Variants in ITGAM observed in about 807,000 individuals in gnomAD.
ITGAM encodes the protein integrin subunit alpha M.
In ITGAM, 79 loss-of-function variants were observed where a neutral mutation model predicts 137.5. That is an observed-to-expected ratio of 0.57 (90% CI 0.48 to 0.69). The LOEUF (loss-of-function observed/expected upper bound fraction) is 0.69, where lower values mean the gene tolerates loss of function less well. ITGAM is among the 30% of genes least tolerant of loss of function. ITGAM has a pLI of 0.00. For synonymous variants in ITGAM, 583 were observed against 592.3 expected (o/e 0.98, Z 0.23); for missense variants, 1,343 against 1,483.5 (o/e 0.91, Z 1.56).
intron 7 of ITGAM, among the ~76,000 whole-genome samples, chr16:31,272,833 C>A (rs952392366): frequency 1.3e-5 from 2 of 151,530 alleles, no homozygotes; most frequent in African/African-American, 4.8e-5. Context: ...CCAAATTATG[C>A]GAAAGTATAA....
At chr16:31,263,665 CTTT>C (rs74413197) in intron 2 of ITGAM, among the ~76,000 whole-genome samples, 3 of 125,846 alleles carry the variant, frequency 2.4e-5, no homozygotes, top group African/African-American at 8.5e-5. Context: ...ATTTTTCTTT[CTTT>C]TTTTTTTTTT....
At chr16:31,291,993 A>G (rs1440817204) in intron 12 of ITGAM, among the ~76,000 whole-genome samples, 1 of 152,160 alleles carries the variant, frequency 6.6e-6, no homozygotes, top group Non-Finnish European at 1.5e-5. Context: ...CGGATATCCC[A>G]GTTACCCTGA....
chr16:31,261,591 C>G (rs1259664155), intron 1 of ITGAM, 101 bp from the exon 2 acceptor site: 1 of 691,678 alleles, frequency 1.4e-6, no homozygotes, highest in Non-Finnish European at 2.6e-6. Context: ...AATCAGGGCT[C>G]AAGTGATCCT....
At chr16:31,312,299 AAAAAG>A (rs1193252551) in intron 14 of ITGAM, among the ~76,000 whole-genome samples, 3 of 152,236 alleles carry the variant, frequency 2.0e-5, no homozygotes, top group East Asian at 1.9e-4. Flanking sequence ...AATAAAAAAG[AAAAAG>A]AAAAGAAATC....
chr16:31,329,787 C>T lies in ITGAM; in HGVS notation c.2869-11C>T. On this transcript the variant is annotated splice_polypyrimidine_tract_variant and intron_variant, in intron 24 of 29. Coordinates refer to ENST00000544665, the MANE Select transcript of ITGAM (RefSeq NM_000632.4). ...AAGGCCAGAGCCCTGACCCCGCCCT[C>T]CCCGGTGCAGGTCAGCAACCTGGGG... The T allele has an allele frequency of 6.5e-7, 1 of 1,549,754 alleles. No individual in the cohort carries two copies. Among genetic ancestry groups the T allele is most frequent in the South Asian group, 1.2e-5 (1 of 84,000 alleles).
intron 28 of ITGAM, 148 bp downstream of exon 28, chr16:31,330,753 G>A: frequency 1.6e-6 from 1 of 619,586 alleles, no homozygotes; most frequent in East Asian, 2.8e-5. Context: ...CGTAAGGAGA[G>A]AGACAGACAG....
At chr16:31,283,320 A>G (rs566496095) in intron 12 of ITGAM, among the ~76,000 whole-genome samples, 43 of 152,312 alleles carry the variant, frequency 2.8e-4, no homozygotes, top group Non-Finnish European at 6.2e-4. Flanking sequence ...GTGTTTTCCA[A>G]CTTGGTTCCA....
chr16:31,331,290 T>G lies in ITGAM; in HGVS notation c.3387+15T>G. On this transcript the variant is annotated intron_variant, in intron 29 of 29. Transcript: ENST00000544665. The stretch of plus-strand genomic sequence containing the variant: ...CGCTGTACAAGGTGCTCCCCGCTGC[T>G]CCCCCACCCCCTCCCTTCATCCTCT... 14 of 1,379,700 alleles carry G rather than the reference T, an allele frequency of 1.0e-5. No individual in the cohort carries two copies. The highest frequency in any genetic ancestry group is 1.4e-5 in the Non-Finnish European group (14 of 971,996). The allele number at this position is 1,379,700 out of a possible 1,614,324, so 85.5% of individuals were successfully genotyped here. A position where few individuals can be genotyped will look rare whatever the true frequency, so the allele number is the denominator to read the frequency against.
chr16:31,283,914 A>C (rs1317387602), intron 12 of ITGAM, among the ~76,000 whole-genome samples: 3 of 152,032 alleles, frequency 2.0e-5, no homozygotes, highest in African/African-American at 7.2e-5. Flanking sequence ...TTGGTGTGGA[A>C]ATCCTTTCTG....
At position 31,272,422 on chromosome 16, in the gene ITGAM, ACTATATATATATATAT is replaced by A. The variant is rs1567250058; in HGVS notation, c.704+431_704+446del. 5.3e-3 allele frequency among the ~76,000 whole-genome samples: 260 copies of A among 48,938 alleles called. 11 individuals carry two copies. Among genetic ancestry groups the A allele is most frequent in the African/African-American group, 0.012 (164 of 13,644 alleles). The allele number at this position is 48,938 out of a possible 152,430, so 32.1% of individuals were successfully genotyped here. On this transcript the variant is annotated intron_variant, in intron 7 of 29. Coordinates refer to ENST00000544665, the MANE Select transcript of ITGAM (RefSeq NM_000632.4). ...GGAGAGGTTTCCTGAAGGCCAATTA[ACTATATATATATATAT>A]ATATATATATATATATATATATATA...
In ITGAM at chr16:31,331,949, G is replaced by A. The variant is rs1252479446; in HGVS notation, c.*242G>A. 1.6e-5 allele frequency: 9 copies of A among 557,272 alleles called. No individual in the cohort carries two copies. Among genetic ancestry groups the A allele is most frequent in the Non-Finnish European group, 2.2e-5 (7 of 315,164 alleles). The allele number at this position is 557,272 out of a possible 1,614,324, so 34.5% of individuals were successfully genotyped here. On this transcript the variant is annotated 3_prime_UTR_variant, in exon 30 of 30. Transcript: ENST00000544665. ...CACGCCCATGTGTGAGTGTGTGCAA[G>A]TATGTGAGTGTGTCCAAGTGTGTGT...
intron 5 of ITGAM, among the ~76,000 whole-genome samples, chr16:31,270,516 A>C (rs920767784): frequency 7.0e-6 from 1 of 143,520 alleles, no homozygotes; most frequent in Non-Finnish European, 1.5e-5. Flanking sequence ...TTATTTACTT[A>C]TTTATTTATT....
rs1323007228 is a variant in ITGAM, at chr16:31,324,548, T to C, written c.2152T>C (p.Leu718=). The C allele has an allele frequency of 6.2e-7, 1 of 1,609,810 alleles. No homozygotes were observed. Among genetic ancestry groups the C allele is most frequent in the African/African-American group, 1.3e-5 (1 of 74,996 alleles). The stretch of plus-strand genomic sequence containing the variant: ...GACTTGTGAGACCCTGAAACTACAG[T>C]TGCCGGTGAGCAGGCTAGTGGCCAG... ...TQTCETLKLQ[L]PNCIEDPVSP... Residue 718 remains leucine (L), a synonymous_variant, in exon 17 of 30, where the codon TTG becomes CTG. Coordinates refer to ENST00000544665, the MANE Select transcript of ITGAM (RefSeq NM_000632.4). The surrounding 1 kb of genome is among the most constrained non-coding windows in gnomAD (Gnocchi z 4.5).
intron 23 of ITGAM, 154 bp from the exon 24 acceptor site, chr16:31,329,074 C>CT: frequency 1.7e-4 from 43 of 249,212 alleles, no homozygotes; most frequent in South Asian, 3.5e-4. Context: ...CACATTGGTT[C>CT]CCCCATCCCC....
chr16:31,281,422 T>C (rs1198661558), intron 12 of ITGAM, among the ~76,000 whole-genome samples: 1 of 152,220 alleles, frequency 6.6e-6, no homozygotes, highest in East Asian at 1.9e-4. Flanking sequence ...ATTCAGAGAT[T>C]CAACTTCTTC....
chr16:31,287,276 T>C (rs2080038678), intron 12 of ITGAM, among the ~76,000 whole-genome samples: 1 of 152,150 alleles, frequency 6.6e-6, no homozygotes, highest in Non-Finnish European at 1.5e-5. Context: ...CTGTTTTGGT[T>C]ACTATAGCCT....
intron 12 of ITGAM, among the ~76,000 whole-genome samples, chr16:31,279,220 C>A (rs1260363609): frequency 9.9e-5 from 15 of 152,134 alleles, no homozygotes; most frequent in African/African-American, 3.6e-4. Flanking sequence ...GCCTTTATAG[C>A]AGCATGATTT....
chr16:31,266,801 C>T (rs574640219), intron 5 of ITGAM, among the ~76,000 whole-genome samples: 12 of 151,396 alleles, frequency 7.9e-5, no homozygotes, highest in African/African-American at 1.5e-4. Flanking sequence ...TCCTGGGGGG[C>T]GGCCTTCCAC....
At chr16:31,269,615 G>T (rs948220375) in intron 5 of ITGAM, among the ~76,000 whole-genome samples, 1 of 152,110 alleles carries the variant, frequency 6.6e-6, no homozygotes, top group Non-Finnish European at 1.5e-5. Flanking sequence ...AAAGAGGGGG[G>T]TTTATTTATA....
Sources: gnomAD v4.1 joint callset for allele counts (sites outside exome capture counted in the v4.1 genomes callset) on GRCh38, gnomAD v4.1.1 for gene constraint, Gnocchi (gnomAD v3.1) non-coding constraint, MANE v1.5 for transcripts, NCBI Gene and HGNC (gene_info 2026-07-23, HGNC 2026-07-21) for gene names.